The following CNTN4 variants were observed in gnomAD, a reference collection of about 807,000 sequenced individuals.
CNTN4 encodes the protein contactin 4.
Under a neutral mutation model 122.5 loss-of-function variants are expected in CNTN4, and 77 were observed. The observed-to-expected ratio is 0.63, with a 90% CI of 0.52 to 0.76. CNTN4 has a LOEUF of 0.76. Among genes scored for constraint, CNTN4 ranks in the 30% least tolerant of loss-of-function variants. The pLI is 0.00. For missense variants in CNTN4, 1,256 were observed against 1,259.1 expected (o/e 1.00, Z 0.04); for synonymous variants, 512 against 447.0 (o/e 1.15, Z -1.83).
intron 3 of CNTN4, among the ~76,000 whole-genome samples, chr3:2,522,190 T>TGTGA (rs2077245577): frequency 6.6e-6 from 1 of 150,376 alleles, no homozygotes; most frequent in Non-Finnish European, 1.5e-5. Context: ...TGTGTGTGTG[T>TGTGA]GAATAATTAA....
At chr3:2,186,908 T>C (rs1415642849) in intron 2 of CNTN4, among the ~76,000 whole-genome samples, 2 of 152,236 alleles carry the variant, frequency 1.3e-5, no homozygotes, top group African/African-American at 4.8e-5. Context: ...TTTCTTTTGC[T>C]TTGCAGAAGC....
At chr3:2,379,614 TTTG>T (rs1247768961) in intron 3 of CNTN4, among the ~76,000 whole-genome samples, 4 of 152,192 alleles carry the variant, frequency 2.6e-5, no homozygotes, top group African/African-American at 9.7e-5. Context: ...GGAGATATCA[TTTG>T]TTGTTAAAAT....
intron 7 of CNTN4, among the ~76,000 whole-genome samples, chr3:2,848,298 G>C (rs1354729679): frequency 6.6e-6 from 1 of 152,186 alleles, no homozygotes; most frequent in Non-Finnish European, 1.5e-5. Context: ...CTTACAGTGA[G>C]GCTGAGTAGA....
At chr3:2,312,068 C>T (rs563658379) in intron 2 of CNTN4, among the ~76,000 whole-genome samples, 1 of 151,626 alleles carries the variant, frequency 6.6e-6, no homozygotes, top group Non-Finnish European at 1.5e-5. Flanking sequence ...AAAAATGGCA[C>T]TTTGGGAGGT....
chr3:2,920,005 A>C (rs1274920072), intron 12 of CNTN4, among the ~76,000 whole-genome samples: 2 of 152,130 alleles, frequency 1.3e-5, no homozygotes, highest in South Asian at 4.1e-4. Context: ...GGCCATACCT[A>C]ATCCTACTTG....
chr3:2,274,823 C>T (rs1385203323), intron 2 of CNTN4, among the ~76,000 whole-genome samples: 2 of 152,100 alleles, frequency 1.3e-5, no homozygotes, highest in Admixed American at 1.3e-4. Context: ...GTGTCCACAA[C>T]CCATGTCCCT....
At chr3:2,679,186 A>G (rs2085033779) in intron 4 of CNTN4, among the ~76,000 whole-genome samples, 1 of 152,214 alleles carries the variant, frequency 6.6e-6, no homozygotes, top group Admixed American at 6.5e-5. Flanking sequence ...ATTCTTAATT[A>G]CAAAGTTTAT....
intron 2 of CNTN4, among the ~76,000 whole-genome samples, chr3:2,263,656 G>T (rs13068282): frequency 0.53 from 80,223 of 151,596 alleles, 21,617 homozygotes; most frequent in South Asian, 0.65. Flanking sequence ...CTCTTCTAGC[G>T]ATTTTCAAAT....
chr3:2,860,571 C>T (rs2093660989), intron 7 of CNTN4, among the ~76,000 whole-genome samples: 2 of 152,140 alleles, frequency 1.3e-5, no homozygotes, highest in South Asian at 4.2e-4. Context: ...GGTTTAAATA[C>T]AAATTAGTCT....
chr3:2,361,869 A>C (rs1031958241), intron 3 of CNTN4, among the ~76,000 whole-genome samples: 1 of 152,230 alleles, frequency 6.6e-6, no homozygotes, highest in African/African-American at 2.4e-5. Flanking sequence ...CTAATTCCAC[A>C]GGATCTGAGA....
intron 12 of CNTN4, among the ~76,000 whole-genome samples, chr3:2,912,559 A>C (rs2094312309): frequency 6.6e-6 from 1 of 152,264 alleles, no homozygotes; most frequent in African/African-American, 2.4e-5. Context: ...TAGGTACAAA[A>C]ATCACTTTTA....
chr3:2,169,794 C>A (rs1294408298), intron 2 of CNTN4, among the ~76,000 whole-genome samples: 1 of 152,120 alleles, frequency 6.6e-6, no homozygotes, highest in Non-Finnish European at 1.5e-5. Flanking sequence ...AGTTAAAGAA[C>A]AAATACTCTT....
intron 6 of CNTN4, among the ~76,000 whole-genome samples, chr3:2,813,819 G>C (rs1009928049): frequency 6.6e-6 from 1 of 152,058 alleles, no homozygotes; most frequent in Non-Finnish European, 1.5e-5. Flanking sequence ...CAAAAAATAC[G>C]TGGACATTTT....
At chr3:2,905,289 G>A (rs1266647297) in intron 12 of CNTN4, among the ~76,000 whole-genome samples, 2 of 152,214 alleles carry the variant, frequency 1.3e-5, no homozygotes, top group African/African-American at 4.8e-5. Flanking sequence ...CTGCAAACAT[G>A]GTGGCTTATA....
intron 3 of CNTN4, among the ~76,000 whole-genome samples, chr3:2,532,721 G>T (rs965905345): frequency 2.0e-5 from 3 of 152,008 alleles, no homozygotes; most frequent in African/African-American, 7.2e-5. Context: ...AACAAGAGTT[G>T]TTTACATTCT....
At chr3:2,283,263 G>A (rs1206485444) in intron 2 of CNTN4, among the ~76,000 whole-genome samples, 1 of 152,106 alleles carries the variant, frequency 6.6e-6, no homozygotes, top group African/African-American at 2.4e-5. Context: ...AGCATTGTAA[G>A]TCTCAATTTC....
intron 3 of CNTN4, among the ~76,000 whole-genome samples, chr3:2,519,001 G>A (rs1049787379): frequency 6.6e-6 from 1 of 152,108 alleles, no homozygotes; most frequent in African/African-American, 2.4e-5. Flanking sequence ...GGCAACTAAA[G>A]AAAAATATGA....
intron 3 of CNTN4, among the ~76,000 whole-genome samples, chr3:2,527,856 C>G (rs71311703): frequency 0.12 from 18,305 of 152,122 alleles, 1,381 homozygotes; most frequent in Non-Finnish European, 0.18. Context: ...TTGATCCTCC[C>G]CCTTTTAAAT....
chr3:2,582,449 T>G lies in CNTN4; in HGVS notation c.55+10891T>G, dbSNP rs1229184162. ...TTATGGAGCTTCCCTGTTGTGTGTT[T>G]TATAGTCATGGAAGGTGGCTGGGAT... On this transcript the variant is annotated intron_variant, in intron 4 of 24. Coordinates refer to ENST00000418658, the MANE Select transcript of CNTN4 (RefSeq NM_175607.3). Among the ~76,000 whole-genome samples the G allele has an allele frequency of 2.0e-5, 3 of 152,190 alleles. No individual in the cohort carries two copies. The East Asian group carries it at 5.8e-4, about 29-fold the overall frequency.
Sources: allele counts gnomAD v4.1 joint callset (sites outside exome capture counted in the v4.1 genomes callset), GRCh38; gene constraint gnomAD v4.1.1; transcripts MANE v1.5; gene names NCBI Gene and HGNC (gene_info 2026-07-23, HGNC 2026-07-21).